Variants in SGCD observed in about 807,000 individuals in gnomAD.
SGCD encodes sarcoglycan delta, also known as delta-sarcoglycan.
In SGCD, 18 loss-of-function variants were observed where a neutral mutation model predicts 36.6. The observed-to-expected ratio is 0.49, with a 90% CI of 0.34 to 0.73. The LOEUF is 0.73. SGCD is among the 30% of genes least tolerant of loss of function. SGCD has a pLI of 0.01. For synonymous variants in SGCD, 133 were observed against 130.6 expected (o/e 1.02, Z -0.12); for missense variants, 387 against 346.7 (o/e 1.12, Z -0.92).
intron 3 of SGCD, among the ~76,000 whole-genome samples, chr5:156,312,744 A>G (rs539730021): frequency 1.3e-5 from 2 of 152,106 alleles, no homozygotes; most frequent in Admixed American, 6.5e-5. Flanking sequence ...TAGAATTTTT[A>G]TAAAGATTAA....
chr5:155,770,015 TA>T, the SGCD span, among the ~76,000 whole-genome samples: 1 of 152,164 alleles, frequency 6.6e-6, no homozygotes, highest in East Asian at 1.9e-4. Context: ...TGCAAACTCT[TA>T]AGGTATATTA....
Position 156,618,235 on chromosome 5 carries a change from A to G in SGCD, c.502+23184A>G, listed in dbSNP as rs139426100. On this transcript the variant is annotated intron_variant, in intron 6 of 8. Coordinates refer to ENST00000337851, the MANE Select transcript of SGCD (RefSeq NM_000337.6). ...ATCTAATAGTAACATTTGAGTAATA[A>G]ATCCTAAAACTCACCAGGGACCACC... Among the ~76,000 whole-genome samples the G allele has an allele frequency of 6.6e-3, 1,004 of 152,248 alleles. 8 individuals are homozygous for G. Among genetic ancestry groups the G allele is most frequent in the Admixed American group, 0.01 (160 of 15,294 alleles).
intron 3 of SGCD, among the ~76,000 whole-genome samples, chr5:156,144,619 C>T (rs946479102): frequency 7.2e-5 from 11 of 152,126 alleles, no homozygotes; most frequent in South Asian, 2.1e-4. Flanking sequence ...TTGTGTTCAT[C>T]GTGGATTCTG....
At chr5:155,765,314 GGAAGGAA>G in the SGCD span, among the ~76,000 whole-genome samples, 1 of 149,640 alleles carries the variant, frequency 6.7e-6, no homozygotes, top group Non-Finnish European at 1.5e-5. Flanking sequence ...GAAAAAGGAA[GGAAGGAA>G]GAAGGAAGGA....
intron 6 of SGCD, among the ~76,000 whole-genome samples, chr5:156,596,812 C>T (rs1760942632): frequency 6.6e-6 from 1 of 152,084 alleles, no homozygotes; most frequent in South Asian, 2.1e-4. Flanking sequence ...TCTTGAATGC[C>T]TATCATGGTC....
intron 3 of SGCD, among the ~76,000 whole-genome samples, chr5:156,481,453 A>G (rs931338427): frequency 1.4e-4 from 21 of 152,212 alleles, no homozygotes; most frequent in African/African-American, 2.2e-4. Context: ...AGAGAAACTC[A>G]TAATCTAAGT....
chr5:156,156,419 A>C (rs1371942013), intron 3 of SGCD, among the ~76,000 whole-genome samples: 1 of 151,584 alleles, frequency 6.6e-6, no homozygotes, highest in African/African-American at 2.4e-5. Flanking sequence ...GCTTGAGGTC[A>C]GGAATTCGAG....
At chr5:156,488,564 T>G (rs1298215330) in intron 3 of SGCD, among the ~76,000 whole-genome samples, 1 of 152,076 alleles carries the variant, frequency 6.6e-6, no homozygotes, top group Non-Finnish European at 1.5e-5. Context: ...GAAAATCTAT[T>G]ATTCCAAAGT....
intron 3 of SGCD, among the ~76,000 whole-genome samples, chr5:156,351,523 A>C (rs1424737289): frequency 1.3e-5 from 2 of 151,990 alleles, no homozygotes; most frequent in Non-Finnish European, 2.9e-5. Flanking sequence ...ATTGTTGTAA[A>C]GATTAGAGGA....
the SGCD span, among the ~76,000 whole-genome samples, chr5:155,780,450 T>C: frequency 2.6e-5 from 4 of 152,190 alleles, no homozygotes; most frequent in East Asian, 1.9e-4. Flanking sequence ...TGTATCTTAA[T>C]TGGCTCTATT....
In SGCD at chr5:156,017,884, A is replaced by C. The variant is rs188094863; in HGVS notation, c.-281-99994A>C. Among the ~76,000 whole-genome samples, 38 of 152,284 alleles carry C rather than the reference A, an allele frequency of 2.5e-4. No homozygotes were observed. The East Asian group carries it at 5.4e-3, about 22-fold the overall frequency. On this transcript the variant is annotated intron_variant, in intron 1 of 9. Transcript: ENST00000517913. ...ACATTTAAATTAATGTTAAAGTCAG[A>C]TGCAGTGGCTCACTCCTGTAATCCC...
chr5:156,101,039 A>G (rs533722197), intron 1 of SGCD, among the ~76,000 whole-genome samples: 1 of 152,322 alleles, frequency 6.6e-6, no homozygotes, highest in South Asian at 2.1e-4. Flanking sequence ...AAGAAGAGAC[A>G]TGAGAAAGAT....
intron 3 of SGCD, among the ~76,000 whole-genome samples, chr5:156,294,301 C>G (rs1766839235): frequency 2.0e-5 from 3 of 152,004 alleles, no homozygotes; most frequent in African/African-American, 7.2e-5. Flanking sequence ...TTCTCCCTTT[C>G]AAATTTAGAT....
At chr5:156,565,325 T>G (rs1759432164) in intron 4 of SGCD, among the ~76,000 whole-genome samples, 1 of 152,216 alleles carries the variant, frequency 6.6e-6, no homozygotes, top group Non-Finnish European at 1.5e-5. Flanking sequence ...AAAGAATGTG[T>G]AAAATTAATT....
intron 3 of SGCD, among the ~76,000 whole-genome samples, chr5:156,246,708 C>CT (rs1419557614): frequency 1.3e-5 from 2 of 152,156 alleles, no homozygotes; most frequent in East Asian, 1.9e-4. Flanking sequence ...TAAAAAATGT[C>CT]TTTTTTTGTG....
intron 1 of SGCD, among the ~76,000 whole-genome samples, chr5:155,905,128 G>C (rs1412614490): frequency 6.6e-6 from 1 of 152,130 alleles, no homozygotes; most frequent in Non-Finnish European, 1.5e-5. Context: ...GTGCTACCAA[G>C]TCCCAGGCAA....
chr5:156,199,052 A>C (rs572509146), intron 3 of SGCD, among the ~76,000 whole-genome samples: 1 of 152,082 alleles, frequency 6.6e-6, no homozygotes, highest in African/African-American at 2.4e-5. Context: ...TATATGCAAA[A>C]CTCTAGCCCT....
intron 6 of SGCD, among the ~76,000 whole-genome samples, chr5:156,636,563 A>G (rs114043642): frequency 0.02 from 3,010 of 152,300 alleles, 105 homozygotes; most frequent in African/African-American, 0.068. Context: ...ACTGAAGGGA[A>G]ACCAGGGAAG....
chr5:155,905,437 T>C (rs1178817667), intron 1 of SGCD, among the ~76,000 whole-genome samples: 1 of 152,094 alleles, frequency 6.6e-6, no homozygotes, highest in East Asian at 1.9e-4. Context: ...AAGAGGATGG[T>C]CTTAGAGGGA....
Sources: allele counts gnomAD v4.1 joint callset (sites outside exome capture counted in the v4.1 genomes callset), GRCh38; gene constraint gnomAD v4.1.1; transcripts MANE v1.5; gene names NCBI Gene and HGNC (gene_info 2026-07-23, HGNC 2026-07-21).